Variants in ZNF521 observed in about 807,000 individuals in gnomAD.
ZNF521 encodes the protein zinc finger protein 521.
A neutral mutation model predicts 105.5 loss-of-function variants in ZNF521; 14 were observed. That is an observed-to-expected ratio of 0.13 (90% CI 0.09 to 0.21). The LOEUF is 0.21. ZNF521 is among the 10% of genes least tolerant of loss of function. The probability of loss-of-function intolerance (pLI) is 1.00; values close to 1 mark genes in which losing one functional copy is unlikely to be tolerated. For missense variants in ZNF521, 1,233 were observed against 1,629.7 expected, an observed-to-expected ratio of 0.76 and a Z score of 4.19; for synonymous variants, 635 against 606.0, an observed-to-expected ratio of 1.05 and a Z score of -0.70.
intron 3 of ZNF521, among the ~76,000 whole-genome samples, chr18:25,308,184 A>G (rs1912084025): frequency 7.8e-6 from 1 of 128,184 alleles, no homozygotes; most frequent in African/African-American, 3.2e-5. Flanking sequence ...CCTGGGCAAG[A>G]CTGCATCTCA....
intron 5 of ZNF521, among the ~76,000 whole-genome samples, chr18:25,102,234 C>T (rs2033980000): frequency 6.6e-6 from 1 of 152,056 alleles, no homozygotes; most frequent in Admixed American, 6.6e-5. Flanking sequence ...TGGCTGGCTA[C>T]TATTTGGCAT....
intron 5 of ZNF521, among the ~76,000 whole-genome samples, chr18:25,132,231 GCTC>G (rs1408942509): frequency 3.3e-5 from 5 of 152,156 alleles, no homozygotes; most frequent in Non-Finnish European, 5.9e-5. Context: ...TTTAGGATAT[GCTC>G]CTCAACAAAG....
rs146763069 is a variant in ZNF521 at position 25,340,121 on chromosome 18, C to A, written c.40+10786G>T. Reference sequence around the variant, plus strand: ...CCTGTGATCCCAGCACTTTGGGAGGCCAAGGTGTGGATCACTTGAGGTCAA... The same window carrying A: ...CCTGTGATCCCAGCACTTTGGGAGGACAAGGTGTGGATCACTTGAGGTCAA... On this transcript the variant is annotated intron_variant, in intron 2 of 7. Coordinates refer to ENST00000361524, the MANE Select transcript of ZNF521 (RefSeq NM_015461.3). Among the ~76,000 whole-genome samples the A allele has an allele frequency of 7.1e-3, 1,081 of 152,188 alleles. 8 individuals are homozygous for A. The highest frequency in any genetic ancestry group is 9.9e-3 in the Non-Finnish European group (676 of 68,014).
chr18:25,217,648 T>A (rs12608363), intron 4 of ZNF521, among the ~76,000 whole-genome samples: 5,009 of 152,280 alleles, frequency 0.033, 113 homozygotes, highest in East Asian at 0.065. Context: ...TCAAGCTCCA[T>A]GGCATGATAC....
At chr18:25,186,336 A>G (rs2035721712) in intron 5 of ZNF521, among the ~76,000 whole-genome samples, 1 of 152,250 alleles carries the variant, frequency 6.6e-6, no homozygotes, top group Admixed American at 6.5e-5. Flanking sequence ...GGCAGGAGGT[A>G]GAGCCCTGCT....
intron 3 of ZNF521, among the ~76,000 whole-genome samples, chr18:25,309,738 G>A (rs1912190532): frequency 6.6e-6 from 1 of 152,052 alleles, no homozygotes; most frequent in Admixed American, 6.6e-5. Context: ...ATTCTCAAGA[G>A]TCTGTCAACC....
intron 3 of ZNF521, among the ~76,000 whole-genome samples, chr18:25,252,929 G>A (rs1438669961): frequency 6.6e-6 from 1 of 151,972 alleles, no homozygotes; most frequent in Non-Finnish European, 1.5e-5. Flanking sequence ...ATGGTTAAAG[G>A]GTGTATGCTA....
chr18:25,077,796 A>C (rs983044818), intron 7 of ZNF521, among the ~76,000 whole-genome samples: 2 of 152,178 alleles, frequency 1.3e-5, no homozygotes, highest in Non-Finnish European at 2.9e-5. Flanking sequence ...CTCTGTGTGA[A>C]TATTTAAGAA....
Position 25,342,515 on chromosome 18 carries a change from G to A in ZNF521, c.40+8392C>T, listed in dbSNP as rs1914260460. Among the ~76,000 whole-genome samples, 4 of 144,700 alleles carry A rather than the reference G, an allele frequency of 2.8e-5. 1 individual carries two copies. The highest frequency in any genetic ancestry group is 2.2e-4 in the South Asian group (1 of 4,536). The allele number at this position is 144,700 out of a possible 152,430, so 94.9% of individuals were successfully genotyped here. ...GCCATCTTGGCTCACTGAAAGCTCC[G>A]CCTCCCAGGTTCCCGCCATTCTCCT... On this transcript the variant is annotated intron_variant, in intron 2 of 7. Coordinates refer to ENST00000361524, the MANE Select transcript of ZNF521 (RefSeq NM_015461.3).
intron 5 of ZNF521, among the ~76,000 whole-genome samples, chr18:25,180,054 T>C (rs2035604541): frequency 6.6e-6 from 1 of 152,236 alleles, no homozygotes; most frequent in South Asian, 2.1e-4. Context: ...GTACAGATTA[T>C]GTAAAACAGA....
chr18:25,074,045 T>TG (rs60767007), intron 7 of ZNF521, among the ~76,000 whole-genome samples: 12 of 152,094 alleles, frequency 7.9e-5, no homozygotes, highest in South Asian at 2.1e-4. Context: ...CATGTGTGTG[T>TG]CTGTGCACAT....
At chr18:25,294,171 AG>A (rs1412925721) in intron 3 of ZNF521, among the ~76,000 whole-genome samples, 1 of 152,242 alleles carries the variant, frequency 6.6e-6, no homozygotes, top group Non-Finnish European at 1.5e-5. Flanking sequence ...TCTCTTAAAG[AG>A]GAATTCACAA....
chr18:25,092,259 G>T (rs1466043195), intron 5 of ZNF521, among the ~76,000 whole-genome samples, 178 bp from the exon 6 acceptor site: 2 of 152,120 alleles, frequency 1.3e-5, no homozygotes, highest in Non-Finnish European at 2.9e-5. Flanking sequence ...ATTTAAAACA[G>T]TTCTGGAATT....
chr18:25,108,800 T>G lies in ZNF521; in HGVS notation c.3659-16719A>C, dbSNP rs1057048374. Among the ~76,000 whole-genome samples, 4 of 152,192 alleles carry G rather than the reference T, an allele frequency of 2.6e-5. No individual in the cohort carries two copies. In the East Asian group the frequency reaches 7.7e-4, roughly 29 times the overall value. On this transcript the variant is annotated intron_variant, in intron 5 of 7. Coordinates refer to ENST00000361524, the MANE Select transcript of ZNF521 (RefSeq NM_015461.3). ...TCACCATGCCCAGCTAATTTTTATATTTTTAGTAGAGATGGGGTTTCGCCA... is the reference window on the plus strand; with the variant it reads ...TCACCATGCCCAGCTAATTTTTATAGTTTTAGTAGAGATGGGGTTTCGCCA...
At chr18:25,098,830 A>G (rs530326147) in intron 5 of ZNF521, among the ~76,000 whole-genome samples, 3 of 152,220 alleles carry the variant, frequency 2.0e-5, no homozygotes, top group Admixed American at 1.3e-4. Context: ...TTTGTCACCT[A>G]ATCTTTAGTG....
chr18:25,185,355 C>T (rs1429131579), intron 5 of ZNF521, among the ~76,000 whole-genome samples: 2 of 152,042 alleles, frequency 1.3e-5, no homozygotes, highest in African/African-American at 2.4e-5. Context: ...CCCAGGGTCT[C>T]TGGTTTTGGA....
chr18:25,110,427 T>C (rs916450215), intron 5 of ZNF521, among the ~76,000 whole-genome samples: 4 of 142,116 alleles, frequency 2.8e-5, no homozygotes, highest in Non-Finnish European at 4.7e-5. Flanking sequence ...ACTGAATGAA[T>C]GGAAGGCAGG....
chr18:25,140,153 T>A (rs1340304047), intron 5 of ZNF521, among the ~76,000 whole-genome samples: 1 of 152,160 alleles, frequency 6.6e-6, no homozygotes, highest in Non-Finnish European at 1.5e-5. Context: ...TTTACATGAA[T>A]TTGCTTCATC....
chr18:25,145,936 T>C (rs2034933812), intron 5 of ZNF521, among the ~76,000 whole-genome samples: 1 of 152,220 alleles, frequency 6.6e-6, no homozygotes, highest in Non-Finnish European at 1.5e-5. Context: ...TTCTAGGATA[T>C]GACAACATGG....
Sources: gnomAD v4.1 joint callset for allele counts (sites outside exome capture counted in the v4.1 genomes callset) on GRCh38, gnomAD v4.1.1 for gene constraint, MANE v1.5 for transcripts, NCBI Gene and HGNC (gene_info 2026-07-23, HGNC 2026-07-21) for gene names.